Variants in ADK observed in about 807,000 individuals in gnomAD.
The protein encoded by ADK is N6,N6-dimethyladenosine kinase.
ADK carries 24 observed loss-of-function variants against 44.7 expected under a neutral mutation model. The observed-to-expected ratio is 0.54, with a 90% CI of 0.39 to 0.76. The LOEUF is 0.76. Among genes scored for constraint, ADK ranks in the 30% least tolerant of loss-of-function variants. The probability of loss-of-function intolerance (pLI) is 0.00; values close to 1 mark genes in which losing one functional copy is unlikely to be tolerated. For synonymous variants in ADK, 128 were observed against 142.6 expected (o/e 0.90, Z 0.73); for missense variants, 321 against 425.1 (o/e 0.76, Z 2.15).
chr10:74,693,588 T>A, intron 10 of ADK, among the ~76,000 whole-genome samples: 1 of 81,368 alleles, frequency 1.2e-5, no homozygotes, highest in South Asian at 4.3e-4. Flanking sequence ...CGGCATTCCC[T>A]GTGAGGGAAG....
At chr10:74,424,516 CAA>C (rs1461645212) in intron 6 of ADK, among the ~76,000 whole-genome samples, 2 of 99,158 alleles carry the variant, frequency 2.0e-5, no homozygotes, top group African/African-American at 4.6e-5. Context: ...GCCTGGGCAA[CAA>C]GAGCAAAACT....
At chr10:74,587,641 C>G (rs1442860564) in intron 7 of ADK, among the ~76,000 whole-genome samples, 1 of 151,396 alleles carries the variant, frequency 6.6e-6, no homozygotes, top group Non-Finnish European at 1.5e-5. Flanking sequence ...GCTCACTACT[C>G]AGGCTCAAAT....
chr10:74,422,726 A>G (rs1844604803), intron 6 of ADK, among the ~76,000 whole-genome samples: 1 of 152,212 alleles, frequency 6.6e-6, no homozygotes, highest in Admixed American at 6.5e-5. Context: ...TAAAATAGAG[A>G]AAAAGTCAGT....
Position 74,450,721 on chromosome 10 carries a change from A to C in ADK, c.555+52142A>C, listed in dbSNP as rs181197513. ...TCTGCTTTATCTTCCAGTGAACAAG[A>C]CATATTAATAGCTTTTCTGTAGAGC... On this transcript the variant is annotated intron_variant, in intron 6 of 10. Transcript: ENST00000539909. Among the ~76,000 whole-genome samples, 417 of 152,308 alleles carry C rather than the reference A, an allele frequency of 2.7e-3. 2 individuals carry two copies. Among genetic ancestry groups the C allele is most frequent in the African/African-American group, 9.5e-3 (396 of 41,580 alleles).
chr10:74,401,526 T>G (rs1353642742), intron 6 of ADK, among the ~76,000 whole-genome samples: 6 of 152,208 alleles, frequency 3.9e-5, no homozygotes, highest in African/African-American at 1.2e-4. Context: ...TCTTTGTTGG[T>G]TTAAAGTCTG....
intron 6 of ADK, among the ~76,000 whole-genome samples, chr10:74,475,193 A>C (rs1449668462): frequency 6.6e-6 from 1 of 152,330 alleles, no homozygotes; most frequent in South Asian, 2.1e-4. Context: ...TTATATCAAT[A>C]GGGCTCATGG....
chr10:74,660,721 C>A (rs573366692), intron 9 of ADK, among the ~76,000 whole-genome samples: 9 of 120,802 alleles, frequency 7.5e-5, no homozygotes, highest in South Asian at 2.8e-4. Context: ...CAAAGTGAGA[C>A]CCTGTCTCAA....
At chr10:74,459,007 C>T (rs1846060621) in intron 6 of ADK, among the ~76,000 whole-genome samples, 1 of 152,112 alleles carries the variant, frequency 6.6e-6, no homozygotes, top group Admixed American at 6.5e-5. Context: ...TGGCCAGGCA[C>T]GGTGACTTAT....
chr10:74,387,916 C>CTT (rs1051474656), intron 4 of ADK, among the ~76,000 whole-genome samples: 1 of 149,036 alleles, frequency 6.7e-6, no homozygotes, highest in Non-Finnish European at 1.5e-5. Context: ...TTTCTTTTTT[C>CTT]TTTTTTTTTG....
intron 7 of ADK, among the ~76,000 whole-genome samples, chr10:74,552,463 T>C (rs1461439790): frequency 2.0e-5 from 3 of 152,196 alleles, no homozygotes; most frequent in Non-Finnish European, 2.9e-5. Context: ...GGATTGACTG[T>C]AAATAGGCAT....
At chr10:74,381,497 A>G (rs1201013124) in intron 4 of ADK, among the ~76,000 whole-genome samples, 2 of 152,220 alleles carry the variant, frequency 1.3e-5, no homozygotes, top group Admixed American at 6.5e-5. Context: ...GCAGTCAGCA[A>G]TGATGATGGA....
In ADK at chr10:74,606,388, A is replaced by T. The variant is rs113731224; in HGVS notation, c.877+5895A>T. Among the ~76,000 whole-genome samples, 961 of 152,266 alleles carry T rather than the reference A, an allele frequency of 6.3e-3. 17 individuals are homozygous for T. Among genetic ancestry groups the T allele is most frequent in the African/African-American group, 0.021 (891 of 41,550 alleles). On this transcript the variant is annotated intron_variant, in intron 9 of 10. Coordinates refer to ENST00000539909, the MANE Select transcript of ADK (RefSeq NM_006721.4). ...CTCCTGTGGGCATTTAGTGCTATAA[A>T]TGTCCTTCTTAACACTGCTTTAGCT...
In ADK at chr10:74,482,754, G is replaced by A. The variant is rs539205428; in HGVS notation, c.556-42502G>A. 3.0e-3 allele frequency among the ~76,000 whole-genome samples: 459 copies of A among 152,286 alleles called. 6 individuals carry two copies. Among genetic ancestry groups the A allele is most frequent in the African/African-American group, 0.01 (426 of 41,556 alleles). On this transcript the variant is annotated intron_variant, in intron 6 of 10. Transcript: ENST00000539909. ...GGGGCTACAGGCCCCATGCAAGTCC[G>A]AAACCCAGCAGGGCAGTCATTAAAT...
Position 74,324,271 on chromosome 10 carries a change from C to T in ADK, c.273+9526C>T, listed in dbSNP as rs182618359. ...TGTTGAATTCCTGACCTCAAGCAAC[C>T]CTCCTGCCTCTGCCTCCCAAAGTGC... On this transcript the variant is annotated intron_variant, in intron 4 of 10. Transcript: ENST00000539909. 5.3e-3 allele frequency among the ~76,000 whole-genome samples: 811 copies of T among 152,146 alleles called. 6 individuals are homozygous for T. Among genetic ancestry groups the T allele is most frequent in the African/African-American group, 0.018 (754 of 41,502 alleles).
At chr10:74,697,281 G>A (rs1856242573) in intron 10 of ADK, among the ~76,000 whole-genome samples, 1 of 152,174 alleles carries the variant, frequency 6.6e-6, no homozygotes, top group Non-Finnish European at 1.5e-5. Context: ...GCTCACACCT[G>A]TAATCCCAGC....
intron 8 of ADK, among the ~76,000 whole-genome samples, chr10:74,599,565 C>T (rs1349265322): frequency 4.6e-5 from 7 of 152,146 alleles, no homozygotes; most frequent in African/African-American, 1.7e-4. Context: ...AAACTATGGA[C>T]AGTTTTAAAA....
intron 4 of ADK, among the ~76,000 whole-genome samples, chr10:74,357,837 A>C (rs1410520876): frequency 1.3e-5 from 2 of 152,172 alleles, no homozygotes; most frequent in Non-Finnish European, 2.9e-5. Flanking sequence ...TCATAAGTTA[A>C]ACTAAAAAAA....
intron 7 of ADK, among the ~76,000 whole-genome samples, chr10:74,566,284 G>A (rs1168367636): frequency 7.2e-6 from 1 of 138,618 alleles, no homozygotes; most frequent in East Asian, 2.1e-4. Flanking sequence ...ACAGCTCACT[G>A]CAGCCTCCAA....
chr10:74,151,414 C>T, intron 1 of ADK, 71 bp downstream of exon 1: 1 of 1,477,896 alleles, frequency 6.8e-7, no homozygotes, highest in South Asian at 1.2e-5. Flanking sequence ...TGGGGTTGCA[C>T]GGCCCCGACG....
Sources: allele counts gnomAD v4.1 joint callset (sites outside exome capture counted in the v4.1 genomes callset), GRCh38; gene constraint gnomAD v4.1.1; transcripts MANE v1.5; gene names NCBI Gene and HGNC (gene_info 2026-07-23, HGNC 2026-07-21).